GSTM1: variants seen among roughly 807,000 people sequenced by gnomAD.
GSTM1 encodes GST HB subunit 4.
A neutral mutation model predicts 17.3 loss-of-function variants in GSTM1; 6 were observed. The ratio of observed to expected loss-of-function variants is 0.35; its 90% CI spans 0.19 to 0.68. The LOEUF is 0.68. GSTM1 is among the 30% of genes least tolerant of loss of function. The pLI is 0.65. For missense variants in GSTM1, 62 were observed against 155.9 expected, an observed-to-expected ratio of 0.40 and a Z score of 3.21; for synonymous variants, 20 against 53.6, an observed-to-expected ratio of 0.37 and a Z score of 2.74.
At position 109,692,370 on chromosome 1, in the gene GSTM1, G is replaced by C. The variant is rs1648118077; in HGVS notation, c.568-836G>C. Among the ~76,000 whole-genome samples the C allele has an allele frequency of 2.5e-5, 2 of 79,082 alleles. 1 individual carries two copies. The highest frequency in any genetic ancestry group is 2.7e-4 in the Admixed American group (2 of 7,306). 51.9% of individuals were successfully genotyped at this position (79,082 alleles called of 152,430 possible). A position where few individuals can be genotyped will look rare whatever the true frequency, so the allele number is the denominator to read the frequency against. ...GGATGTTTTTGAATACCTTATCTGG[G>C]CATTCAATCCTGGTAAGATTGTGCA... is the stretch of plus-strand genomic sequence containing the variant. On this transcript the variant is annotated intron_variant, in intron 7 of 7. Transcript: ENST00000309851.
Position 109,690,399 on chromosome 1 carries a change from G to A in GSTM1, c.456+33G>A, listed in dbSNP as rs558134028. 80 of 779,940 alleles carry A rather than the reference G, an allele frequency of 1.0e-4. 31 individuals carry two copies. The highest frequency in any genetic ancestry group is 9.0e-4 in the South Asian group (49 of 54,220). The allele number at this position is 779,940 out of a possible 1,614,324, so 48.3% of individuals were successfully genotyped here. On this transcript the variant is annotated intron_variant, in intron 6 of 7. Coordinates refer to ENST00000309851, the MANE Select transcript of GSTM1 (RefSeq NM_000561.4). ...AGGAGTGATATGGGGAATGAGATCT[G>A]TTTTGCTTCACGTGTTATGGAGGTT...
At position 109,689,115 on chromosome 1, in the gene GSTM1, G is replaced by C; in HGVS notation, c.245G>C (p.Arg82Pro). 2 of 796,692 alleles carry C rather than the reference G, an allele frequency of 2.5e-6. 1 individual carries two copies. The highest frequency in any genetic ancestry group is 3.6e-6 in the Non-Finnish European group (2 of 552,470). 49.4% of individuals were successfully genotyped at this position (796,692 alleles called of 1,614,324 possible). ...AACGCCATCTTGTGCTACATTGCCC[G>C]CAAGCACAACCTGTGTGAGTGTGGG... is the stretch of plus-strand genomic sequence containing the variant. Reference protein sequence around the residue: ...QSNAILCYIARKHNLCGETEE... With the variant: ...QSNAILCYIAPKHNLCGETEE... Residue 82 changes from arginine (R) to proline (P), a missense_variant, in exon 4 of 8, where the codon CGC becomes CCC. Arg to Pro is a moderately radical substitution (Grantham distance 103). Coordinates refer to ENST00000309851, the MANE Select transcript of GSTM1 (RefSeq NM_000561.4).
chr1:109,690,240 C>G, intron 5 of GSTM1, 31 bp from the exon 6 acceptor site: 1 of 731,780 alleles, frequency 1.4e-6, no homozygotes, highest in Admixed American at 3.1e-5. Context: ...AGCTTTTGTC[C>G]GAGGGTGGTG....
Position 109,687,832 on chromosome 1 carries a change from C to T in GSTM1, c.-42C>T. 1.4e-6 allele frequency: 1 copy of T among 728,754 alleles called. No individual in the cohort carries two copies. Among genetic ancestry groups the T allele is most frequent in the African/African-American group, 1.9e-5 (1 of 52,282 alleles). The allele number at this position is 728,754 out of a possible 1,614,324, so 45.1% of individuals were successfully genotyped here. A position where few individuals can be genotyped will look rare whatever the true frequency, so the allele number is the denominator to read the frequency against. ...CGGAGCTCTTATACTCTGAGCCCTG[C>T]TCGGTTTAGGCCTGTCTGCGGAATC... On this transcript the variant is annotated 5_prime_UTR_variant, in exon 1 of 8. Coordinates refer to ENST00000309851, the MANE Select transcript of GSTM1 (RefSeq NM_000561.4).
At position 109,688,419 on chromosome 1, in the gene GSTM1, T is replaced by C. The variant is rs144801250; in HGVS notation, c.112+174T>C. On this transcript the variant is annotated intron_variant, in intron 2 of 7. Transcript: ENST00000309851. Reference sequence around the variant, plus strand: ...GGCCTTGCAAGGCAGAATGCTGGGGTGGGATGCTGGGCCCCCTGTCTAATT... The same window carrying C: ...GGCCTTGCAAGGCAGAATGCTGGGGCGGGATGCTGGGCCCCCTGTCTAATT... 123 of 410,066 alleles carry C rather than the reference T, an allele frequency of 3.0e-4. 42 individuals carry two copies. Among genetic ancestry groups the C allele is most frequent in the African/African-American group, 6.6e-4 (28 of 42,464 alleles). The allele number at this position is 410,066 out of a possible 1,614,324, so 25.4% of individuals were successfully genotyped here.
Position 109,689,461 on chromosome 1 carries a change from C to G in GSTM1, c.360+136C>G, listed in dbSNP as rs1166372432. The stretch of plus-strand genomic sequence containing the variant: ...CTTTCCCATACTATCAGCAGTTATT[C>G]TCACGACTCCAATGTCATGTCAACA... On this transcript the variant is annotated intron_variant, in intron 5 of 7. Coordinates refer to ENST00000309851, the MANE Select transcript of GSTM1 (RefSeq NM_000561.4). 2 of 336,172 alleles carry G rather than the reference C, an allele frequency of 5.9e-6. 1 individual carries two copies. Among genetic ancestry groups the G allele is most frequent in the Non-Finnish European group, 1.2e-5 (2 of 171,038 alleles). 20.8% of individuals were successfully genotyped at this position (336,172 alleles called of 1,614,324 possible).
At position 109,691,019 on chromosome 1, in the gene GSTM1, C is replaced by T. The variant is rs1161248502; in HGVS notation, c.567+455C>T. ...GCTGGCAATAGTAGGACTGACACAA[C>T]GGTGACATTGATGTCTAGTACTGAA... On this transcript the variant is annotated intron_variant, in intron 7 of 7. Coordinates refer to ENST00000309851, the MANE Select transcript of GSTM1 (RefSeq NM_000561.4). 3.7e-5 allele frequency among the ~76,000 whole-genome samples: 3 copies of T among 80,672 alleles called. 1 individual carries two copies. Among genetic ancestry groups the T allele is most frequent in the African/African-American group, 1.1e-4 (3 of 28,416 alleles). The allele number at this position is 80,672 out of a possible 152,430, so 52.9% of individuals were successfully genotyped here.
In GSTM1 at chr1:109,688,047, G is replaced by GT. The variant is rs1388245673; in HGVS notation, c.37-121dup. On this transcript the variant is annotated intron_variant, in intron 1 of 7. Coordinates refer to ENST00000309851, the MANE Select transcript of GSTM1 (RefSeq NM_000561.4). Reference sequence around the variant, plus strand: ...GGCCTGTGCATGCCGCTGTGTGTGTGTTGGGGGTGTGGGCGGGTAGAGGAG... The same window carrying GT: ...GGCCTGTGCATGCCGCTGTGTGTGTGTTTGGGGGTGTGGGCGGGTAGAGGAG... 2.6e-6 allele frequency: 2 copies of GT among 761,354 alleles called. 1 individual carries two copies. The highest frequency in any genetic ancestry group is 3.8e-6 in the Non-Finnish European group (2 of 520,850). The allele number at this position is 761,354 out of a possible 1,614,324, so 47.2% of individuals were successfully genotyped here.
Position 109,690,372 on chromosome 1 carries a change from G to A in GSTM1, c.456+6G>A. 1 of 791,874 alleles carries A rather than the reference G, an allele frequency of 1.3e-6. No homozygotes were observed. Among genetic ancestry groups the A allele is most frequent in the African/African-American group, 1.9e-5 (1 of 53,630 alleles). 49.1% of individuals were successfully genotyped at this position (791,874 alleles called of 1,614,324 possible). ...CATGGTTTGCAGGAAACAAGGTAAA[G>A]GAGGAGTGATATGGGGAATGAGATC... is the stretch of plus-strand genomic sequence containing the variant. On this transcript the variant is annotated splice_donor_region_variant and intron_variant, in intron 6 of 7. Transcript: ENST00000309851.
Position 109,689,616 on chromosome 1 carries a change from G to A in GSTM1, c.360+291G>A, listed in dbSNP as rs112202890. 8.2e-3 allele frequency among the ~76,000 whole-genome samples: 646 copies of A among 78,470 alleles called. 214 individuals carry two copies. Among genetic ancestry groups the A allele is most frequent in the African/African-American group, 0.02 (557 of 27,382 alleles). The allele number at this position is 78,470 out of a possible 152,430, so 51.5% of individuals were successfully genotyped here. ...GCTCTGGCCTCTGACTTCTGTCCTG[G>A]GTCATTTCTGTCAGCCAGTTCACAT... On this transcript the variant is annotated intron_variant, in intron 5 of 7. Transcript: ENST00000309851.
At position 109,690,435 on chromosome 1, in the gene GSTM1, T is replaced by C. The variant is rs111436983; in HGVS notation, c.457-19T>C. The C allele has an allele frequency of 0.21, 166,651 of 780,630 alleles. 71,577 individuals carry two copies. Among genetic ancestry groups the C allele is most frequent in the Non-Finnish European group, 0.25 (132,542 of 537,564 alleles). The allele number at this position is 780,630 out of a possible 1,614,324, so 48.4% of individuals were successfully genotyped here. The stretch of plus-strand genomic sequence containing the variant: ...CGTGTTATGGAGGTTCCAGCCCACA[T>C]ATTCTTGGCCTTCTGCAGATCACTT... On this transcript the variant is annotated intron_variant, in intron 6 of 7. Transcript: ENST00000309851.
intron 7 of GSTM1, among the ~76,000 whole-genome samples, chr1:109,691,256 G>A (rs1570639756): frequency 2.1e-5 from 1 of 48,458 alleles, no homozygotes; most frequent in Middle Eastern, 0.013. Context: ...TTTTTGTGCT[G>A]GAGTCTTGCT....
chr1:109,688,178 C>T lies in GSTM1; in HGVS notation c.45C>T (p.His15=), dbSNP rs567320393. The part of the protein sequence containing the change: ...LGYWDIRGLA[H]AIRLLLEYTD... ...CGGGCCATCTCTCCCAGCTGGCCCA[C>T]GCCATCCGCCTGCTCCTGGAATACA... Residue 15 remains histidine, a synonymous_variant, in exon 2 of 8, where the codon CAC becomes CAT. Transcript: ENST00000309851. 5.9e-5 allele frequency: 47 copies of T among 798,232 alleles called. 17 individuals carry two copies. The South Asian group carries it at 7.3e-4, about 12-fold the overall frequency. 49.4% of individuals were successfully genotyped at this position (798,232 alleles called of 1,614,324 possible). A position where few individuals can be genotyped will look rare whatever the true frequency, so the allele number is the denominator to read the frequency against.
At chr1:109,690,987 A>G (rs1203946591) in intron 7 of GSTM1, among the ~76,000 whole-genome samples, 1 of 80,730 alleles carries the variant, frequency 1.2e-5, no homozygotes, top group Non-Finnish European at 3.2e-5. Flanking sequence ...TCATGACCAT[A>G]GATGGAGCTG....
Position 109,690,472 on chromosome 1 carries a change from C to T in GSTM1, c.475C>T (p.Leu159Phe), listed in dbSNP as rs138440339. The change falls in exon 7 of 8, where the codon CTC (leucine) becomes TTC (phenylalanine). Residue 159 changes from leucine (L) to phenylalanine (F), a missense_variant. By Grantham distance (22) the Leu-to-Phe change is conservative. Transcript: ENST00000309851. The part of the protein sequence containing the change: ...AGNKITFVDF[L>F]VYDVLDLHRI... ...TCTGCAGATCACTTTTGTAGATTTT[C>T]TCGTCTATGATGTCCTTGACCTCCA... The T allele has an allele frequency of 3.8e-6, 3 of 798,244 alleles. 1 individual carries two copies. In the East Asian group the frequency reaches 1.5e-4, roughly 39 times the overall value. The allele number at this position is 798,244 out of a possible 1,614,324, so 49.4% of individuals were successfully genotyped here.
chr1:109,688,495 T>C lies in GSTM1; in HGVS notation c.113-178T>C, dbSNP rs1648015463. The stretch of plus-strand genomic sequence containing the variant: ...CTAAACCCTGGAAGCCTTAGCTGTG[T>C]GGGGTCCAGAGCCCTCAGCGGGATT... On this transcript the variant is annotated intron_variant, in intron 2 of 7. Transcript: ENST00000309851. The C allele has an allele frequency of 8.0e-6, 3 of 374,718 alleles. 1 individual carries two copies. Among genetic ancestry groups the C allele is most frequent in the African/African-American group, 4.9e-5 (2 of 40,882 alleles). The allele number at this position is 374,718 out of a possible 1,614,324, so 23.2% of individuals were successfully genotyped here.
At position 109,693,250 on chromosome 1, in the gene GSTM1, C is replaced by T; in HGVS notation, c.612C>T (p.Leu204=). 1.3e-6 allele frequency: 1 copy of T among 796,018 alleles called. No homozygotes were observed. The highest frequency in any genetic ancestry group is 1.9e-5 in the African/African-American group (1 of 53,290). The allele number at this position is 796,018 out of a possible 1,614,324, so 49.3% of individuals were successfully genotyped here. A position where few individuals can be genotyped will look rare whatever the true frequency, so the allele number is the denominator to read the frequency against. ...ISAYMKSSRF[L]PRPVFSKMAV... is the part of the protein sequence containing the mutation. Reference sequence around the variant, plus strand: ...CCTACATGAAGTCCAGCCGCTTCCTCCCAAGACCTGTGTTCTCAAAGATGG... The same window carrying T: ...CCTACATGAAGTCCAGCCGCTTCCTTCCAAGACCTGTGTTCTCAAAGATGG... The change falls in exon 8 of 8, where the codon CTC becomes CTT. Residue 204 remains leucine, a synonymous_variant. Transcript: ENST00000309851.
intron 7 of GSTM1, among the ~76,000 whole-genome samples, chr1:109,691,225 C>CTTTTT (rs140454046): frequency 0.014 from 250 of 18,232 alleles, no homozygotes; most frequent in Middle Eastern, 0.083. Flanking sequence ...CACCTCTATT[C>CTTTTT]TTTTTTTTTT....
intron 7 of GSTM1, among the ~76,000 whole-genome samples, chr1:109,690,870 C>A (rs1412702784): frequency 1.2e-5 from 1 of 81,628 alleles, no homozygotes; most frequent in African/African-American, 3.5e-5. Context: ...GCCTCTGGAT[C>A]TATGGGTGGC....
Sources: gnomAD v4.1 joint callset for allele counts (sites outside exome capture counted in the v4.1 genomes callset) on GRCh38, gnomAD v4.1.1 for gene constraint, MANE v1.5 for transcripts, NCBI Gene and HGNC (gene_info 2026-07-23, HGNC 2026-07-21) for gene names.